STXBP5L: variants seen among roughly 807,000 people sequenced by gnomAD.
STXBP5L encodes the protein syntaxin-binding protein 5-like.
A neutral mutation model predicts 144.5 loss-of-function variants in STXBP5L; 65 were observed. The observed-to-expected ratio is 0.45, with a 90% CI of 0.37 to 0.55. STXBP5L has a LOEUF of 0.55. STXBP5L is among the 20% of genes least tolerant of loss of function. The probability of loss-of-function intolerance (pLI) is 0.00; values close to 1 mark genes in which losing one functional copy is unlikely to be tolerated. For missense variants in STXBP5L, 1,298 were observed against 1,405.5 expected, an observed-to-expected ratio of 0.92 and a Z score of 1.22; for synonymous variants, 505 against 469.6, an observed-to-expected ratio of 1.08 and a Z score of -0.97.
chr3:120,926,139 C>T (rs969675064), intron 2 of STXBP5L, among the ~76,000 whole-genome samples: 1 of 152,088 alleles, frequency 6.6e-6, no homozygotes, highest in Non-Finnish European at 1.5e-5. Context: ...TGTCTGTGTA[C>T]TTAATTTTAC....
In STXBP5L at chr3:121,424,032, G is replaced by A. The variant is rs1025254318; in HGVS notation, c.*4935G>A. 5 of 152,072 alleles carry A rather than the reference G, an allele frequency of 3.3e-5. No individual in the cohort carries two copies. Among genetic ancestry groups the A allele is most frequent in the African/African-American group, 4.8e-5 (2 of 41,390 alleles). 9.4% of individuals were successfully genotyped at this position (152,072 alleles called of 1,614,324 possible). A position where few individuals can be genotyped will look rare whatever the true frequency, so the allele number is the denominator to read the frequency against. ...ACCAGAAGTAGCACAGTAAATTCAA[G>A]AGCATATAAAGCTAAGTGGAAAACT... On this transcript the variant is annotated 3_prime_UTR_variant, in exon 27 of 27. Transcript: ENST00000471454.
chr3:121,139,649 C>T (rs922682120), intron 7 of STXBP5L, among the ~76,000 whole-genome samples: 2 of 151,922 alleles, frequency 1.3e-5, no homozygotes, highest in African/African-American at 4.8e-5. Context: ...AATTCAAAGG[C>T]AATGAGAACA....
chr3:120,982,729 C>A (rs907901218), intron 3 of STXBP5L, among the ~76,000 whole-genome samples: 4 of 152,190 alleles, frequency 2.6e-5, no homozygotes, highest in Admixed American at 1.3e-4. Flanking sequence ...CAAGTGCATG[C>A]CAGCTGTGAT....
In STXBP5L at chr3:121,385,221, G is replaced by C. The variant is rs550310173; in HGVS notation, c.2587+3689G>C. On this transcript the variant is annotated intron_variant, in intron 22 of 26. Transcript: ENST00000471454. ...TAATTGGCTAATAGCTCTTCAGGCT[G>C]TACAGGAATCATGGTGCTGACATTT... Among the ~76,000 whole-genome samples, 112 of 152,252 alleles carry C rather than the reference G, an allele frequency of 7.4e-4. 1 individual carries two copies. The highest frequency in any genetic ancestry group is 2.6e-3 in the African/African-American group (106 of 41,552).
At chr3:120,994,883 G>T (rs1234210058) in intron 3 of STXBP5L, among the ~76,000 whole-genome samples, 1 of 151,714 alleles carries the variant, frequency 6.6e-6, no homozygotes, top group African/African-American at 2.4e-5. Context: ...GTAGAACTTG[G>T]CAGTGAAGCC....
At chr3:121,130,895 A>C (rs931650424) in intron 7 of STXBP5L, among the ~76,000 whole-genome samples, 2 of 152,128 alleles carry the variant, frequency 1.3e-5, no homozygotes, top group Non-Finnish European at 2.9e-5. Flanking sequence ...ATATAATGAA[A>C]ATAATTATCA....
chr3:121,045,824 C>T (rs1001993303), intron 5 of STXBP5L, among the ~76,000 whole-genome samples: 1 of 151,822 alleles, frequency 6.6e-6, no homozygotes, highest in African/African-American at 2.4e-5. Flanking sequence ...ATTTGACTTC[C>T]TTTCTTCCTA....
At chr3:121,311,766 C>T (rs1019014114) in intron 19 of STXBP5L, among the ~76,000 whole-genome samples, 4 of 152,126 alleles carry the variant, frequency 2.6e-5, no homozygotes, top group Non-Finnish European at 5.9e-5. Flanking sequence ...GGCCATATTG[C>T]CCAAGGTAAT....
chr3:121,078,352 G>T (rs913103019), intron 5 of STXBP5L, among the ~76,000 whole-genome samples: 1 of 152,148 alleles, frequency 6.6e-6, no homozygotes. Context: ...GGTGCTGATT[G>T]GTGTGTTTAC....
intron 7 of STXBP5L, among the ~76,000 whole-genome samples, chr3:121,150,983 G>A (rs1025227311): frequency 6.6e-6 from 1 of 152,060 alleles, no homozygotes; most frequent in Non-Finnish European, 1.5e-5. Context: ...AGCTATTCAG[G>A]AGGCTGAGGC....
chr3:121,015,241 A>G (rs1945060110), intron 3 of STXBP5L, among the ~76,000 whole-genome samples: 1 of 152,184 alleles, frequency 6.6e-6, no homozygotes, highest in South Asian at 2.1e-4. Context: ...AGAATTTATG[A>G]TTGGCTTAAT....
At chr3:120,934,072 T>C (rs1219422254) in intron 2 of STXBP5L, among the ~76,000 whole-genome samples, 1 of 149,032 alleles carries the variant, frequency 6.7e-6, no homozygotes, top group African/African-American at 2.5e-5. Flanking sequence ...AATTTATTTC[T>C]TTCCCTAGTT....
At chr3:121,150,902 A>C (rs2045908677) in intron 7 of STXBP5L, among the ~76,000 whole-genome samples, 1 of 152,036 alleles carries the variant, frequency 6.6e-6, no homozygotes, top group African/African-American at 2.4e-5. Flanking sequence ...AGCCTGGCCA[A>C]CGTGGTGAAA....
intron 19 of STXBP5L, among the ~76,000 whole-genome samples, chr3:121,315,933 G>A (rs1038717376): frequency 1.3e-5 from 2 of 151,492 alleles, no homozygotes; most frequent in African/African-American, 4.9e-5. Context: ...GACCCAGGAG[G>A]CGGAGGTTGC....
At chr3:121,038,774 A>G (rs905090320) in intron 3 of STXBP5L, among the ~76,000 whole-genome samples, 1 of 151,798 alleles carries the variant, frequency 6.6e-6, no homozygotes, top group Admixed American at 6.6e-5. Context: ...AAGCTCTGTA[A>G]TTAGGTGTAT....
chr3:121,376,959 G>T (rs1184880847), intron 20 of STXBP5L, among the ~76,000 whole-genome samples: 1 of 152,076 alleles, frequency 6.6e-6, no homozygotes, highest in African/African-American at 2.4e-5. Context: ...TTGTAAGTTG[G>T]ATTCCTAGGT....
intron 12 of STXBP5L, among the ~76,000 whole-genome samples, chr3:121,237,780 T>A (rs1337643565): frequency 6.6e-6 from 1 of 152,186 alleles, no homozygotes; most frequent in African/African-American, 2.4e-5. Flanking sequence ...ATACTCTAGG[T>A]CATCGCTCTT....
chr3:121,176,740 C>G (rs1270912554), intron 9 of STXBP5L, among the ~76,000 whole-genome samples: 1 of 151,142 alleles, frequency 6.6e-6, no homozygotes, highest in African/African-American at 2.4e-5. Context: ...ATCTAACAAC[C>G]CAATAAGGGT....
intron 1 of STXBP5L, chr3:120,909,008 T>C (rs1161484991): frequency 6.6e-6 from 1 of 152,198 alleles, no homozygotes; most frequent in African/African-American, 2.4e-5. Context: ...CTAGAAAAAG[T>C]ACCCCCCTCC....
Sources: allele counts gnomAD v4.1 joint callset (sites outside exome capture counted in the v4.1 genomes callset), GRCh38; gene constraint gnomAD v4.1.1; transcripts MANE v1.5; gene names NCBI Gene and HGNC (gene_info 2026-07-23, HGNC 2026-07-21).